The following CMC2 variants were observed in gnomAD, a reference collection of about 807,000 sequenced individuals.
CMC2 encodes the protein COX assembly mitochondrial protein 2 homolog.
In CMC2, 5 loss-of-function variants were observed where a neutral mutation model predicts 7.5. That is an observed-to-expected ratio of 0.66 (90% CI 0.35 to 1.40). The LOEUF is 1.40. Ranked by LOEUF, CMC2 falls within the 40% of genes most tolerant of loss-of-function variation. The pLI is 0.04. For synonymous variants in CMC2, 37 were observed against 31.4 expected (o/e 1.18, Z -0.60); for missense variants, 115 against 92.3 (o/e 1.25, Z -1.01).
chr16:81,003,185 G>GA, intron 1 of CMC2, among the ~76,000 whole-genome samples: 1 of 152,146 alleles, frequency 6.6e-6, no homozygotes, highest in East Asian at 1.9e-4. Context: ...TGTTCTCTCA[G>GA]AACACATGTA....
intron 2 of CMC2, among the ~76,000 whole-genome samples, chr16:80,991,310 T>G (rs551058631): frequency 5.3e-5 from 8 of 151,870 alleles, no homozygotes; most frequent in Non-Finnish European, 1.0e-4. Flanking sequence ...TCCAAAGAGT[T>G]ATGAAAAGGG....
In CMC2 at chr16:80,972,083, G is replaced by A. The variant is rs1911970619; in HGVS notation, c.*4010C>T. On this transcript the variant is annotated 3_prime_UTR_variant, in exon 4 of 4. Transcript: ENST00000219400. ...CTTAGAGGACAGAAATGGCCCCACA[G>A]GCCTCTAGCCCAGGCCACCTGCTCC... 1 of 152,204 alleles carries A rather than the reference G, an allele frequency of 6.6e-6. No homozygotes were observed. The highest frequency in any genetic ancestry group is 2.4e-5 in the African/African-American group (1 of 41,444). 9.4% of individuals were successfully genotyped at this position (152,204 alleles called of 1,614,324 possible). A position where few individuals can be genotyped will look rare whatever the true frequency, so the allele number is the denominator to read the frequency against.
At chr16:80,997,268 A>C in intron 2 of CMC2, 46 bp downstream of exon 2, 1 of 1,043,230 alleles carries the variant, frequency 9.6e-7, no homozygotes, top group Non-Finnish European at 1.5e-6. Flanking sequence ...AGTGGGTTAT[A>C]ACTAAGTTTC....
intron 2 of CMC2, among the ~76,000 whole-genome samples, chr16:80,994,264 A>C (rs1968232061): frequency 6.6e-6 from 1 of 152,230 alleles, no homozygotes; most frequent in African/African-American, 2.4e-5. Context: ...AACGAATCAT[A>C]GACCAATGTA....
intron 3 of CMC2, chr16:80,978,170 G>C: frequency 3.3e-6 from 2 of 611,262 alleles, no homozygotes; most frequent in Non-Finnish European, 4.1e-6. Context: ...AAAATTGTTG[G>C]GGAAAAAATC....
intron 1 of CMC2, among the ~76,000 whole-genome samples, chr16:81,001,700 T>A (rs949858704): frequency 4.6e-5 from 7 of 152,166 alleles, no homozygotes; most frequent in African/African-American, 1.7e-4. Context: ...CTGTGAGAAA[T>A]TCAAACTGCC....
chr16:80,993,143 T>C (rs1968140110), intron 2 of CMC2, among the ~76,000 whole-genome samples: 1 of 152,222 alleles, frequency 6.6e-6, no homozygotes, highest in African/African-American at 2.4e-5. Flanking sequence ...CCCCATGCTA[T>C]TTACTTAAAA....
chr16:80,989,833 C>T (rs937688414), intron 2 of CMC2, among the ~76,000 whole-genome samples: 4 of 152,170 alleles, frequency 2.6e-5, no homozygotes, highest in African/African-American at 9.7e-5. Context: ...TGTCTCTTTT[C>T]GTCTACAATA....
chr16:81,005,966 G>C (rs147056660), intron 1 of CMC2, among the ~76,000 whole-genome samples: 3 of 152,248 alleles, frequency 2.0e-5, no homozygotes, highest in East Asian at 3.9e-4. Flanking sequence ...GTAGGAAAAG[G>C]ATGAAAAAGA....
intron 2 of CMC2, chr16:80,988,553 C>T: frequency 2.8e-6 from 2 of 702,046 alleles, no homozygotes; most frequent in Non-Finnish European, 5.2e-6. Context: ...TACACCCGAG[C>T]TTTTCTTCTG....
rs140811613 is a variant in CMC2 at position 80,970,458 on chromosome 16, G to A, written c.*5635C>T. The A allele has an allele frequency of 5.9e-5, 9 of 152,222 alleles. No homozygotes were observed. Among genetic ancestry groups the A allele is most frequent in the South Asian group, 2.1e-4 (1 of 4,830 alleles). The allele number at this position is 152,222 out of a possible 1,614,324, so 9.4% of individuals were successfully genotyped here. A position where few individuals can be genotyped will look rare whatever the true frequency, so the allele number is the denominator to read the frequency against. Reference sequence around the variant, plus strand: ...AATTACCAAAAGGAACTTCCTTAGGGAGGAACAGACATCTTCCAAAAACCT... The same window carrying A: ...AATTACCAAAAGGAACTTCCTTAGGAAGGAACAGACATCTTCCAAAAACCT... On this transcript the variant is annotated 3_prime_UTR_variant, in exon 4 of 4. Coordinates refer to ENST00000219400, the MANE Select transcript of CMC2 (RefSeq NM_020188.5).
In CMC2 at chr16:80,996,793, T is replaced by A. The variant is rs545086589; in HGVS notation, c.81+521A>T. ...AGCTTGATTTAATGTATTCCAAATATGGATGGGCTCCTTTTCTATTTTGGT... is the reference window on the plus strand; with the variant it reads ...AGCTTGATTTAATGTATTCCAAATAAGGATGGGCTCCTTTTCTATTTTGGT... On this transcript the variant is annotated intron_variant, in intron 2 of 3. Coordinates refer to ENST00000219400, the MANE Select transcript of CMC2 (RefSeq NM_020188.5). The A allele has an allele frequency of 1.7e-5, 3 of 175,692 alleles. No homozygotes were observed. The South Asian group carries it at 3.1e-4, about 18-fold the overall frequency. The allele number at this position is 175,692 out of a possible 1,614,324, so 10.9% of individuals were successfully genotyped here.
At chr16:80,997,140 T>C in intron 2 of CMC2, 174 bp downstream of exon 2, 1 of 602,838 alleles carries the variant, frequency 1.7e-6, no homozygotes, top group South Asian at 2.0e-5. Flanking sequence ...TAAAAGGAGG[T>C]AGTTTGTGTA....
chr16:80,990,696 A>G (rs1317928356), intron 2 of CMC2, among the ~76,000 whole-genome samples: 2 of 152,090 alleles, frequency 1.3e-5, no homozygotes, highest in African/African-American at 2.4e-5. Context: ...CCTGGAAGTC[A>G]TTACATGTTG....
rs1220602311 is a variant in CMC2, at chr16:80,968,086, G to C, written c.*8007C>G. ...GAAGGTCATTAACCCTAAAGAAGTA[G>C]GCATTTTATGGAAGGCAGTTACATC... On this transcript the variant is annotated 3_prime_UTR_variant, in exon 4 of 4. Transcript: ENST00000219400. The C allele has an allele frequency of 2.0e-5, 3 of 152,060 alleles. No individual in the cohort carries two copies. The highest frequency in any genetic ancestry group is 4.4e-5 in the Non-Finnish European group (3 of 68,018). The allele number at this position is 152,060 out of a possible 1,614,324, so 9.4% of individuals were successfully genotyped here.
rs1911757652 is a variant in CMC2 at position 80,969,258 on chromosome 16, A to C, written c.*6835T>G. Reference sequence around the variant, plus strand: ...ATGAGTGAGGTGAGGACAGAGCATCAAGAGCCAGAGGAGTCCTGGGAGGTC... The same window carrying C: ...ATGAGTGAGGTGAGGACAGAGCATCCAGAGCCAGAGGAGTCCTGGGAGGTC... On this transcript the variant is annotated 3_prime_UTR_variant, in exon 4 of 4. Transcript: ENST00000219400. 1 of 152,290 alleles carries C rather than the reference A, an allele frequency of 6.6e-6. No homozygotes were observed. Among genetic ancestry groups the C allele is most frequent in the Non-Finnish European group, 1.5e-5 (1 of 68,076 alleles). The allele number at this position is 152,290 out of a possible 1,614,324, so 9.4% of individuals were successfully genotyped here.
At chr16:80,977,820 C>G (rs567352203) in intron 3 of CMC2, among the ~76,000 whole-genome samples, 13 of 152,118 alleles carry the variant, frequency 8.5e-5, no homozygotes, top group Non-Finnish European at 1.8e-4. Flanking sequence ...GCTTATAATC[C>G]CAGCACTTTG....
At chr16:80,991,206 C>G (rs577767426) in intron 2 of CMC2, among the ~76,000 whole-genome samples, 5 of 152,118 alleles carry the variant, frequency 3.3e-5, no homozygotes, top group Non-Finnish European at 7.4e-5. Flanking sequence ...CTCTCCAGAA[C>G]AGAATTCCAC....
chr16:80,984,529 C>A (rs1967376505), intron 2 of CMC2, among the ~76,000 whole-genome samples: 1 of 152,160 alleles, frequency 6.6e-6, no homozygotes, highest in South Asian at 2.1e-4. Context: ...TACCTAATGA[C>A]CTTTCCAGAA....
Sources: allele counts gnomAD v4.1 joint callset (sites outside exome capture counted in the v4.1 genomes callset), GRCh38; gene constraint gnomAD v4.1.1; transcripts MANE v1.5; gene names NCBI Gene and HGNC (gene_info 2026-07-23, HGNC 2026-07-21).